SGO2: variants seen among roughly 807,000 people sequenced by gnomAD.
The protein encoded by SGO2 is shugoshin-like 2.
Under a neutral mutation model 99.5 loss-of-function variants are expected in SGO2, and 68 were observed. The observed-to-expected ratio is 0.68, with a 90% CI of 0.56 to 0.84. The LOEUF (loss-of-function observed/expected upper bound fraction) is 0.84. Ranked by LOEUF, SGO2 falls within the 40% of genes least tolerant of loss-of-function variation. The pLI is 0.00. For missense variants in SGO2, 1,350 were observed against 1,436.7 expected (o/e 0.94, Z 0.97); for synonymous variants, 457 against 487.1 (o/e 0.94, Z 0.81).
In SGO2 at chr2:200,572,378, G is replaced by C; in HGVS notation, c.2032G>C (p.Glu678Gln). The C allele has an allele frequency of 6.2e-7, 1 of 1,613,302 alleles. No homozygotes were observed. Among genetic ancestry groups the C allele is most frequent in the Non-Finnish European group, 8.5e-7 (1 of 1,179,580 alleles). Residue 678 changes from glutamate (E) to glutamine (Q), a missense_variant, in exon 7 of 9, where the codon GAA (glutamate) becomes CAA (glutamine). Physicochemically the swap from Glu to Gln is conservative, Grantham distance 29. Coordinates refer to ENST00000357799, the MANE Select transcript of SGO2 (RefSeq NM_152524.6). ...CCCAGCTCTTTCTACTAGAGATAAT[G>C]AAAATCAATGTGACTATAGGACCCA... ...QIPALSTRDN[E>Q]NQCDYRTQNV... is the part of the protein sequence containing the mutation.
intron 1 of SGO2, among the ~76,000 whole-genome samples, chr2:200,529,510 G>GTTTTA (rs756680637): frequency 2.0e-5 from 3 of 151,884 alleles, no homozygotes; most frequent in South Asian, 4.1e-4. Context: ...GTTTCGTTTT[G>GTTTTA]TTTTGTTTTG....
In SGO2 at chr2:200,571,041, TC is replaced by T; in HGVS notation, c.704-8del. ...TTGTTTCTGAGTTTTGTTTTCCTTT[TC>T]TTAATAGAAAGCCATTCCCACTCAG... On this transcript the variant is annotated splice_region_variant and splice_polypyrimidine_tract_variant and intron_variant, in intron 6 of 8. Transcript: ENST00000357799. 1 of 1,537,806 alleles carries T rather than the reference TC, an allele frequency of 6.5e-7. No individual in the cohort carries two copies. The highest frequency in any genetic ancestry group is 8.7e-7 in the Non-Finnish European group (1 of 1,145,192).
intron 5 of SGO2, among the ~76,000 whole-genome samples, chr2:200,568,582 C>G (rs573824117): frequency 6.6e-6 from 1 of 152,228 alleles, no homozygotes; most frequent in South Asian, 2.1e-4. Flanking sequence ...ATTTGGGGCT[C>G]TCCTCTTTAC....
chr2:200,548,414 T>C (rs1414213377), intron 5 of SGO2, among the ~76,000 whole-genome samples: 4 of 152,018 alleles, frequency 2.6e-5, no homozygotes, highest in African/African-American at 9.7e-5. Flanking sequence ...AAAATTTTCT[T>C]AAATGAAAAG....
chr2:200,557,341 T>A (rs190501308), intron 5 of SGO2, among the ~76,000 whole-genome samples: 98 of 152,244 alleles, frequency 6.4e-4, no homozygotes, highest in African/African-American at 2.3e-3. Context: ...TCCCCTAAGT[T>A]GGGCCTCTAA....
chr2:200,555,217 A>G (rs937142855), intron 5 of SGO2, among the ~76,000 whole-genome samples: 4 of 152,200 alleles, frequency 2.6e-5, no homozygotes, highest in Non-Finnish European at 5.9e-5. Context: ...TACTTTTCTG[A>G]CAAAATGTTT....
At chr2:200,558,895 C>T (rs1411172730) in intron 5 of SGO2, among the ~76,000 whole-genome samples, 4 of 151,644 alleles carry the variant, frequency 2.6e-5, no homozygotes, top group South Asian at 4.2e-4. Context: ...CTCTGCCTTC[C>T]GGGTTCAAGT....
At chr2:200,546,977 C>G (rs2032245916) in intron 5 of SGO2, among the ~76,000 whole-genome samples, 1 of 152,084 alleles carries the variant, frequency 6.6e-6, no homozygotes, top group African/African-American at 2.4e-5. Context: ...TAACAGAAAA[C>G]TTTTCAAGAC....
chr2:200,570,675 C>T lies in SGO2; in HGVS notation c.704-375C>T, dbSNP rs1445325619. ...ATATAATTTATATAAATTTTAGCTG[C>T]CTGTTGATAGTCTTTGATAGCAATC... On this transcript the variant is annotated intron_variant, in intron 6 of 8. Transcript: ENST00000357799. The surrounding 1 kb of genome is among the most constrained non-coding windows in gnomAD (Gnocchi z 4.4). Among the ~76,000 whole-genome samples, 1 of 151,036 alleles carries T rather than the reference C, an allele frequency of 6.6e-6. No homozygotes were observed. Among genetic ancestry groups the T allele is most frequent in the African/African-American group, 2.4e-5 (1 of 41,096 alleles).
intron 5 of SGO2, among the ~76,000 whole-genome samples, chr2:200,546,067 C>T (rs755940076): frequency 1.3e-5 from 2 of 152,078 alleles, no homozygotes; most frequent in Non-Finnish European, 1.5e-5. Context: ...TGGGACCTCC[C>T]CCATTTTGGG....
intron 8 of SGO2, among the ~76,000 whole-genome samples, chr2:200,576,262 T>G (rs373426949): frequency 2.0e-5 from 3 of 151,290 alleles, no homozygotes; most frequent in East Asian, 1.9e-4. Context: ...TATTGAGAGA[T>G]ATAATTCACA....
rs546971888 is a variant in SGO2 at position 200,539,531 on chromosome 2, G to C, written c.388-3048G>C. 7.3e-5 allele frequency among the ~76,000 whole-genome samples: 11 copies of C among 151,050 alleles called. No individual in the cohort carries two copies. The South Asian group carries it at 8.4e-4, about 11-fold the overall frequency. ...GCTTTTATTTTTAATAAGTTCTTTT[G>C]CCTTTTTGTGGTTCATTGTTACTTT... On this transcript the variant is annotated intron_variant, in intron 4 of 8. Coordinates refer to ENST00000357799, the MANE Select transcript of SGO2 (RefSeq NM_152524.6).
intron 5 of SGO2, among the ~76,000 whole-genome samples, chr2:200,563,039 A>G (rs1285912859): frequency 6.7e-6 from 1 of 148,320 alleles, no homozygotes; most frequent in Non-Finnish European, 1.5e-5. Flanking sequence ...TTCCTAATTG[A>G]ATACCCTGTA....
At chr2:200,567,100 C>G (rs1299924013) in intron 5 of SGO2, among the ~76,000 whole-genome samples, 1 of 152,188 alleles carries the variant, frequency 6.6e-6, no homozygotes, top group African/African-American at 2.4e-5. Context: ...CCAACAAGCC[C>G]CACTGAGATG....
At chr2:200,554,591 A>G (rs2032625749) in intron 5 of SGO2, among the ~76,000 whole-genome samples, 1 of 152,210 alleles carries the variant, frequency 6.6e-6, no homozygotes, top group Admixed American at 6.5e-5. Context: ...GGTTTCTTCT[A>G]TGACACACAA....
At position 200,582,290 on chromosome 2, in the gene SGO2, T is replaced by C. The variant is rs552305066; in HGVS notation, c.3783-1159T>C. On this transcript the variant is annotated intron_variant, in intron 8 of 8. Coordinates refer to ENST00000357799, the MANE Select transcript of SGO2 (RefSeq NM_152524.6). Reference sequence around the variant, plus strand: ...GGGAACTGACCTTATCCTGAAGATATTTGTCTAACTAGGTGAACCTAAACA... The same window carrying C: ...GGGAACTGACCTTATCCTGAAGATACTTGTCTAACTAGGTGAACCTAAACA... Among the ~76,000 whole-genome samples the C allele has an allele frequency of 3.9e-5, 6 of 152,218 alleles. No homozygotes were observed. The East Asian group carries it at 1.2e-3, about 29-fold the overall frequency.
intron 5 of SGO2, among the ~76,000 whole-genome samples, chr2:200,551,374 C>A (rs2032477556): frequency 6.6e-6 from 1 of 151,956 alleles, no homozygotes; most frequent in South Asian, 2.1e-4. Context: ...AACCAAGCAC[C>A]AAAAGGCAAA....
At chr2:200,543,425 A>G (rs1476628075) in intron 5 of SGO2, 1 of 152,242 alleles carries the variant, frequency 6.6e-6, no homozygotes, top group Admixed American at 6.5e-5. Context: ...CTGTCATCTT[A>G]CAAGTCAGTC....
chr2:200,571,832 A>G lies in SGO2; in HGVS notation c.1486A>G (p.Ile496Val), dbSNP rs17448235. ...ACTGTGTAATAAAAAGGAGAAAAGA[A>G]TAACAAATGAGCAAGAGGAAACATA... Reference protein sequence around the residue: ...NVLCNKKEKRITNEQEETYSL... With the variant: ...NVLCNKKEKRVTNEQEETYSL... Residue 496 changes from isoleucine to valine, a missense_variant, in exon 7 of 9, where the codon ATA becomes GTA. By Grantham distance (29) the Ile-to-Val change is conservative (BLOSUM62 3). Coordinates refer to ENST00000357799, the MANE Select transcript of SGO2 (RefSeq NM_152524.6). 232,731 of 1,613,126 alleles carry G rather than the reference A, an allele frequency of 0.14. 18,115 individuals are homozygous for G. The highest frequency in any genetic ancestry group is 0.16 in the Non-Finnish European group (188,806 of 1,179,510).
Sources: allele counts gnomAD v4.1 joint callset (sites outside exome capture counted in the v4.1 genomes callset), GRCh38; gene constraint gnomAD v4.1.1; non-coding constraint Gnocchi (gnomAD v3.1); transcripts MANE v1.5; gene names NCBI Gene and HGNC (gene_info 2026-07-23, HGNC 2026-07-21).